Variants in LYPLAL1 observed in about 807,000 individuals in gnomAD.
The protein encoded by LYPLAL1 is lysophospholipase like 1.
LYPLAL1 carries 23 observed loss-of-function variants against 19.7 expected under a neutral mutation model. The ratio of observed to expected loss-of-function variants is 1.17; its 90% CI spans 0.84 to 1.65. LYPLAL1 has a LOEUF of 1.65. Among genes scored for constraint, LYPLAL1 ranks in the 40% most tolerant of loss-of-function variants. The pLI, the probability that LYPLAL1 is intolerant of heterozygous loss-of-function variation, is 0.00. For synonymous variants in LYPLAL1, 119 were observed against 96.3 expected, an observed-to-expected ratio of 1.24 and a Z score of -1.38; for missense variants, 355 against 279.4, an observed-to-expected ratio of 1.27 and a Z score of -1.93.
chr1:219,183,947 T>C (rs965361867), intron 2 of LYPLAL1, among the ~76,000 whole-genome samples: 2 of 151,946 alleles, frequency 1.3e-5, no homozygotes, highest in Admixed American at 1.3e-4. Flanking sequence ...CTCTATTCCA[T>C]TGGTCTAATC....
At chr1:219,195,341 A>T (rs898840120) in intron 3 of LYPLAL1, among the ~76,000 whole-genome samples, 2 of 152,128 alleles carry the variant, frequency 1.3e-5, no homozygotes, top group African/African-American at 4.8e-5. Context: ...TCTGACATGG[A>T]GAAACCAGTA....
chr1:219,175,390 T>C (rs755252712), intron 1 of LYPLAL1, among the ~76,000 whole-genome samples: 1 of 152,154 alleles, frequency 6.6e-6, no homozygotes, highest in Non-Finnish European at 1.5e-5. Context: ...TAGTACTATT[T>C]AGGGCTCCAA....
the LYPLAL1 span, among the ~76,000 whole-genome samples, chr1:219,320,946 G>A: frequency 6.6e-6 from 1 of 152,148 alleles, no homozygotes; most frequent in Non-Finnish European, 1.5e-5. Flanking sequence ...AATCCTTTGG[G>A]TATATATCCA....
chr1:219,296,579 C>T, the LYPLAL1 span, among the ~76,000 whole-genome samples: 23 of 152,188 alleles, frequency 1.5e-4, no homozygotes, highest in African/African-American at 3.9e-4. Flanking sequence ...ACCCTGAAGA[C>T]GGGTAGCTGG....
intron 1 of LYPLAL1, among the ~76,000 whole-genome samples, chr1:219,177,205 T>C (rs905388339): frequency 2.0e-5 from 3 of 152,120 alleles, no homozygotes; most frequent in Non-Finnish European, 4.4e-5. Context: ...CTAGTGTGTC[T>C]GGAGTGAGAA....
At chr1:219,325,121 G>T in the LYPLAL1 span, among the ~76,000 whole-genome samples, 1 of 152,144 alleles carries the variant, frequency 6.6e-6, no homozygotes. Context: ...AAGAATCCAT[G>T]ATAACACTTG....
chr1:219,209,007 A>G (rs143773121), intron 3 of LYPLAL1, among the ~76,000 whole-genome samples: 66 of 152,202 alleles, frequency 4.3e-4, no homozygotes, highest in African/African-American at 1.5e-3. Context: ...TGGAGAATCT[A>G]ATGTACATTT....
At chr1:219,272,548 A>G in the LYPLAL1 span, 11 of 152,240 alleles carry the variant, frequency 7.2e-5, no homozygotes, top group Non-Finnish European at 1.6e-4. Flanking sequence ...AGGAGGGACA[A>G]TCACGTGAGG....
the LYPLAL1 span, among the ~76,000 whole-genome samples, chr1:219,358,885 G>A: frequency 1.3e-5 from 2 of 151,996 alleles, no homozygotes; most frequent in African/African-American, 4.8e-5. Flanking sequence ...TCAGGCCCCA[G>A]TTGAGACAGA....
the LYPLAL1 span, among the ~76,000 whole-genome samples, chr1:219,415,104 A>G: frequency 6.6e-6 from 1 of 152,372 alleles, no homozygotes; most frequent in East Asian, 1.9e-4. Flanking sequence ...TCTCACCAGC[A>G]ACATCAATGC....
At chr1:219,214,649 A>G (rs1192247022), downstream of LYPLAL1, among the ~76,000 whole-genome samples, 5 of 150,590 alleles carry the variant, frequency 3.3e-5, no homozygotes, top group Non-Finnish European at 5.9e-5. Context: ...TGTACCATCA[A>G]CGTCATATTA....
the LYPLAL1 span, among the ~76,000 whole-genome samples, chr1:219,325,314 C>T: frequency 3.9e-5 from 6 of 152,142 alleles, no homozygotes; most frequent in Non-Finnish European, 8.8e-5. Context: ...ACTCCCTATA[C>T]CCACCCCTTC....
At chr1:219,408,668 A>C in the LYPLAL1 span, among the ~76,000 whole-genome samples, 1 of 151,988 alleles carries the variant, frequency 6.6e-6, no homozygotes, top group East Asian at 1.9e-4. Flanking sequence ...GGTATGCTTA[A>C]AGGTTTCAAG....
the LYPLAL1 span, among the ~76,000 whole-genome samples, chr1:219,241,128 C>CTATATATATA: frequency 1.1e-4 from 9 of 81,260 alleles, no homozygotes; most frequent in South Asian, 4.0e-4. Context: ...CTCTCTCTCT[C>CTATATATATA]TCTCTCTATA....
At chr1:219,239,905 C>T in the LYPLAL1 span, among the ~76,000 whole-genome samples, 11 of 152,140 alleles carry the variant, frequency 7.2e-5, no homozygotes, top group Non-Finnish European at 1.2e-4. Flanking sequence ...TGGTAATCAA[C>T]GGATTTGCCG....
At chr1:219,199,470 G>A (rs893828471) in intron 3 of LYPLAL1, among the ~76,000 whole-genome samples, 2 of 150,182 alleles carry the variant, frequency 1.3e-5, no homozygotes, top group Admixed American at 6.7e-5. Context: ...ACAGAGTCTC[G>A]CTCTGTGGCC....
the LYPLAL1 span, among the ~76,000 whole-genome samples, chr1:219,370,808 A>AC: frequency 6.6e-6 from 1 of 152,094 alleles, no homozygotes; most frequent in Non-Finnish European, 1.5e-5. Context: ...GGACATAATC[A>AC]CCCCAAGAAA....
the LYPLAL1 span, among the ~76,000 whole-genome samples, chr1:219,419,650 A>G: frequency 6.6e-6 from 1 of 151,084 alleles, no homozygotes; most frequent in East Asian, 1.9e-4. Context: ...TAGCTTACAC[A>G]TTATTAGCTG....
chr1:219,202,261 A>G (rs1478546440), intron 3 of LYPLAL1, among the ~76,000 whole-genome samples: 1 of 152,192 alleles, frequency 6.6e-6, no homozygotes, highest in Non-Finnish European at 1.5e-5. Flanking sequence ...TCTGACATGT[A>G]ATGTTGAAAA....
Sources: gnomAD v4.1 joint callset for allele counts (sites outside exome capture counted in the v4.1 genomes callset) on GRCh38, gnomAD v4.1.1 for gene constraint, MANE v1.5 for transcripts, NCBI Gene and HGNC (gene_info 2026-07-23, HGNC 2026-07-21) for gene names.